Variants in SDAD1 observed in about 807,000 individuals in gnomAD.
SDAD1 encodes SDA1 domain containing 1.
A neutral mutation model predicts 100.3 loss-of-function variants in SDAD1; 79 were observed. That is an observed-to-expected ratio of 0.79 (90% confidence interval 0.66 to 0.95). The LOEUF is 0.95. Among genes scored for constraint, SDAD1 ranks in the 40% least tolerant of loss-of-function variants. SDAD1 has a pLI of 0.00. For missense variants in SDAD1, 790 were observed against 810.9 expected, an observed-to-expected ratio of 0.97 and a Z score of 0.31; for synonymous variants, 267 against 271.4, an observed-to-expected ratio of 0.98 and a Z score of 0.16.
At chr4:75,966,312 A>T (rs1847732) in intron 12 of SDAD1, among the ~76,000 whole-genome samples, 20,026 of 134,678 alleles carry the variant, frequency 0.15, 442 homozygotes, top group Admixed American at 0.2. Flanking sequence ...ACACACACAC[A>T]CTGTCTCTTT....
chr4:75,973,305 G>A lies in SDAD1; in HGVS notation c.711+12C>T. The stretch of plus-strand genomic sequence containing the variant: ...AAAGGTAAGATTCAGAAGCAGCTAT[G>A]ATTAAACTAACCTCAGATTCGGAGT... On this transcript the variant is annotated intron_variant, in intron 8 of 21. Transcript: ENST00000356260. The A allele has an allele frequency of 1.2e-6, 2 of 1,603,958 alleles. No homozygotes were observed. The highest frequency in any genetic ancestry group is 1.7e-6 in the Non-Finnish European group (2 of 1,171,012).
intron 3 of SDAD1, 30 bp from the exon 4 acceptor site, chr4:75,977,786 C>A: frequency 7.5e-7 from 1 of 1,334,228 alleles, no homozygotes; most frequent in Non-Finnish European, 1.1e-6. Flanking sequence ...TACCATAAGA[C>A]AATGGTAAAG....
At chr4:75,972,785 G>T (rs1006792765) in intron 8 of SDAD1, among the ~76,000 whole-genome samples, 7 of 151,690 alleles carry the variant, frequency 4.6e-5, no homozygotes, top group Admixed American at 6.6e-5. Flanking sequence ...ACTTTGGGAG[G>T]CCGAGGCGGG....
At chr4:75,981,886 A>G (rs755530616) in intron 2 of SDAD1, 47 bp downstream of exon 2, 1 of 1,255,470 alleles carries the variant, frequency 8.0e-7, no homozygotes, top group East Asian at 2.3e-5. Context: ...AACATTCAGC[A>G]AACTGTGTGT....
chr4:75,966,274 A>G (rs1729536249), intron 12 of SDAD1, among the ~76,000 whole-genome samples: 1 of 123,038 alleles, frequency 8.1e-6, no homozygotes, highest in Admixed American at 7.4e-5. Flanking sequence ...GCATACACAC[A>G]CACACACACA....
intron 1 of SDAD1, among the ~76,000 whole-genome samples, chr4:75,985,815 C>T (rs577266578): frequency 5.9e-5 from 9 of 152,242 alleles, no homozygotes; most frequent in African/African-American, 1.9e-4. Context: ...TCTCCAACCA[C>T]ATCTCTTATT....
chr4:75,951,293 TATG>T (rs1728618556), intron 21 of SDAD1, among the ~76,000 whole-genome samples: 1 of 152,190 alleles, frequency 6.6e-6, no homozygotes, highest in African/African-American at 2.4e-5. Context: ...TGTGTAGATT[TATG>T]ATAACTCTAT....
chr4:75,984,777 AAAC>A (rs1560557905), intron 1 of SDAD1, among the ~76,000 whole-genome samples: 4 of 133,552 alleles, frequency 3.0e-5, no homozygotes, highest in African/African-American at 1.2e-4. Flanking sequence ...ACACACACAC[AAAC>A]ACACACACAC....
intron 18 of SDAD1, 32 bp from the exon 19 acceptor site, chr4:75,957,740 C>A (rs1224845217): frequency 6.2e-7 from 1 of 1,613,268 alleles, no homozygotes; most frequent in Admixed American, 1.7e-5. Context: ...AAATGGCTAC[C>A]AGCTCAAGTG....
rs1319846462 is a variant in SDAD1, at chr4:75,974,135, T to C, written c.579-2A>G. The C allele has an allele frequency of 6.2e-7, 1 of 1,613,140 alleles. No individual in the cohort carries two copies. Among genetic ancestry groups the C allele is most frequent in the Admixed American group, 1.7e-5 (1 of 59,998 alleles). On this transcript the variant is annotated splice_acceptor_variant, in intron 6 of 21. Coordinates refer to ENST00000356260, the MANE Select transcript of SDAD1 (RefSeq NM_018115.4). LOFTEE classifies it high-confidence loss of function. ...ACATTGACAGTTTTTGCATCATTCC[T>C]GGGGGAAGACAATGAATGCTTTGAA...
intron 1 of SDAD1, among the ~76,000 whole-genome samples, chr4:75,988,699 A>G (rs1377524011): frequency 6.6e-6 from 1 of 152,208 alleles, no homozygotes; most frequent in Non-Finnish European, 1.5e-5. Context: ...TGCCTTACAT[A>G]TAGCAGGTAA....
intron 12 of SDAD1, 78 bp downstream of exon 12, chr4:75,967,199 G>A (rs1206888133): frequency 1.5e-6 from 2 of 1,364,736 alleles, no homozygotes; most frequent in Non-Finnish European, 2.1e-6. Flanking sequence ...CCTGTCTTTA[G>A]TGATTCCAGA....
chr4:75,978,329 A>G (rs1730275493), intron 3 of SDAD1, among the ~76,000 whole-genome samples: 1 of 140,872 alleles, frequency 7.1e-6, no homozygotes, highest in African/African-American at 2.7e-5. Flanking sequence ...CAGCCTCCTG[A>G]TTAGCCAGGA....
intron 21 of SDAD1, 119 bp downstream of exon 21, chr4:75,955,856 T>A: frequency 2.6e-6 from 3 of 1,168,230 alleles, no homozygotes. Context: ...TCTCCAACAA[T>A]GCTCCCAAGA....
intron 21 of SDAD1, among the ~76,000 whole-genome samples, chr4:75,951,797 G>C (rs557956302): frequency 1.3e-5 from 2 of 152,246 alleles, no homozygotes; most frequent in South Asian, 4.1e-4. Context: ...AGTTAACCAA[G>C]ACCAATGTAT....
intron 1 of SDAD1, among the ~76,000 whole-genome samples, chr4:75,989,450 T>A (rs773822497): frequency 2.6e-5 from 4 of 152,236 alleles, no homozygotes; most frequent in Non-Finnish European, 5.9e-5. Context: ...TTATCTGTCT[T>A]ATTCATTACT....
chr4:75,967,362 T>A (rs1729608246), intron 11 of SDAD1, 28 bp from the exon 12 acceptor site: 1 of 1,592,738 alleles, frequency 6.3e-7, no homozygotes, highest in East Asian at 2.2e-5. Context: ...ACTTTAATAC[T>A]GATGCAGCTG....
rs1730733233 is a variant in SDAD1, at chr4:75,984,224, C to T, written c.91-2187G>A. On this transcript the variant is annotated intron_variant, in intron 1 of 21. Coordinates refer to ENST00000356260, the MANE Select transcript of SDAD1 (RefSeq NM_018115.4). ...TCACCCAAGCTGGACTGCAGTGGCA[C>T]AATCATAGCTCACTGCCACCTCAAA... Among the ~76,000 whole-genome samples the T allele has an allele frequency of 2.0e-5, 3 of 151,816 alleles. No homozygotes were observed. The South Asian group carries it at 6.2e-4, about 32-fold the overall frequency.
intron 4 of SDAD1, among the ~76,000 whole-genome samples, chr4:75,976,849 T>G (rs1410104901): frequency 1.3e-5 from 2 of 152,234 alleles, no homozygotes; most frequent in Admixed American, 6.5e-5. Flanking sequence ...ACCACTTTTA[T>G]TCCACAAATT....
Sources: allele counts gnomAD v4.1 joint callset (sites outside exome capture counted in the v4.1 genomes callset), GRCh38; gene constraint gnomAD v4.1.1; transcripts MANE v1.5; gene names NCBI Gene and HGNC (gene_info 2026-07-23, HGNC 2026-07-21).